Variants in ABHD12 observed in about 807,000 individuals in gnomAD.
ABHD12 encodes abhydrolase domain containing 12, lysophospholipase.
ABHD12 carries 43 observed loss-of-function variants against 58.3 expected under a neutral mutation model. The observed-to-expected ratio is 0.74, with a 90% CI of 0.58 to 0.95. The LOEUF is 0.95. Among genes scored for constraint, ABHD12 ranks in the 40% least tolerant of loss-of-function variants. The pLI is 0.00. For missense variants in ABHD12, 539 were observed against 537.2 expected, an observed-to-expected ratio of 1.00 and a Z score of -0.03; for synonymous variants, 219 against 211.2, an observed-to-expected ratio of 1.04 and a Z score of -0.32.
At chr20:25,334,225 T>C (rs1450902559) in intron 2 of ABHD12, among the ~76,000 whole-genome samples, 2 of 151,004 alleles carry the variant, frequency 1.3e-5, no homozygotes, top group African/African-American at 4.9e-5. Flanking sequence ...GAGAATAAAA[T>C]ACTTAGGAAT....
intron 1 of ABHD12, among the ~76,000 whole-genome samples, chr20:25,361,752 G>C (rs2089751130): frequency 6.6e-6 from 1 of 151,442 alleles, no homozygotes; most frequent in South Asian, 2.1e-4. Flanking sequence ...TCAGGAGATC[G>C]AGACCATTCT....
chr20:25,375,649 A>T lies in ABHD12; in HGVS notation c.191+14864T>A, dbSNP rs572680703. 2.6e-5 allele frequency among the ~76,000 whole-genome samples: 4 copies of T among 152,020 alleles called. No individual in the cohort carries two copies. The East Asian group carries it at 7.7e-4, about 29-fold the overall frequency. On this transcript the variant is annotated intron_variant, in intron 1 of 12. Transcript: ENST00000339157. Reference sequence around the variant, plus strand: ...TCAAGGAGATCAGCTAGGGTACTGTAGGGCTCACTTCCTTTGTCTGTCACT... The same window carrying T: ...TCAAGGAGATCAGCTAGGGTACTGTTGGGCTCACTTCCTTTGTCTGTCACT...
At chr20:25,340,770 T>C (rs1437955335) in intron 1 of ABHD12, among the ~76,000 whole-genome samples, 1 of 152,170 alleles carries the variant, frequency 6.6e-6, no homozygotes, top group East Asian at 1.9e-4. Context: ...TAATTCCACG[T>C]CTAAAATTCT....
downstream of ABHD12, among the ~76,000 whole-genome samples, chr20:25,299,758 CTG>C (rs1299249735): frequency 3.9e-5 from 6 of 152,164 alleles, no homozygotes; most frequent in Non-Finnish European, 8.8e-5. Context: ...GGTGGTGTCT[CTG>C]GGGCCGTGGG....
intron 1 of ABHD12, among the ~76,000 whole-genome samples, chr20:25,381,742 G>A (rs952332215): frequency 2.6e-5 from 4 of 151,786 alleles, no homozygotes; most frequent in Admixed American, 6.6e-5. Context: ...GGGTTCAAGC[G>A]ATTCTCCTGC....
At chr20:25,362,459 C>T (rs868655611) in intron 1 of ABHD12, among the ~76,000 whole-genome samples, 4 of 151,144 alleles carry the variant, frequency 2.6e-5, no homozygotes, top group Admixed American at 2.0e-4. Flanking sequence ...CCTATCTACT[C>T]GGGAGGCTGA....
At chr20:25,302,096 T>C in intron 12 of ABHD12, 123 bp downstream of exon 12, 2 of 1,411,390 alleles carry the variant, frequency 1.4e-6, no homozygotes, top group Non-Finnish European at 2.0e-6. Flanking sequence ...GGCTCCCAAA[T>C]CACTGTGACT....
chr20:25,355,808 C>T (rs2089660246), intron 1 of ABHD12, among the ~76,000 whole-genome samples: 1 of 152,208 alleles, frequency 6.6e-6, no homozygotes, highest in Non-Finnish European at 1.5e-5. Flanking sequence ...CCACCGGCCT[C>T]AGCCTCCCAA....
intron 11 of ABHD12, chr20:25,303,264 C>T: frequency 7.8e-7 from 1 of 1,276,082 alleles, no homozygotes; most frequent in Non-Finnish European, 1.0e-6. Flanking sequence ...TCTGATAACC[C>T]CTGTGTGAGG....
chr20:25,303,653 C>T (rs1348247397), intron 10 of ABHD12, 25 bp from the exon 11 acceptor site: 8 of 1,612,850 alleles, frequency 5.0e-6, no homozygotes, highest in Non-Finnish European at 6.8e-6. Context: ...AGGGGCTAGA[C>T]CAAGACCAGG....
intron 1 of ABHD12, among the ~76,000 whole-genome samples, chr20:25,371,479 A>T (rs2089899521): frequency 6.6e-6 from 1 of 152,204 alleles, no homozygotes; most frequent in South Asian, 2.1e-4. Flanking sequence ...TTCAGAAGTG[A>T]TTCCTCCCAA....
intron 1 of ABHD12, among the ~76,000 whole-genome samples, chr20:25,362,032 T>C (rs1266838113): frequency 1.3e-5 from 2 of 151,178 alleles, no homozygotes; most frequent in Non-Finnish European, 2.9e-5. Context: ...CCCAGCACGT[T>C]TGGAGATCGA....
chr20:25,309,701 A>T, intron 6 of ABHD12, 126 bp from the exon 7 acceptor site: 1 of 1,400,412 alleles, frequency 7.1e-7, no homozygotes, highest in Non-Finnish European at 9.8e-7. Context: ...CCACCCTTCC[A>T]GAGTCCACAG....
intron 9 of ABHD12, among the ~76,000 whole-genome samples, chr20:25,307,633 TAC>T (rs2088769444): frequency 6.6e-6 from 1 of 152,182 alleles, no homozygotes; most frequent in Non-Finnish European, 1.5e-5. Flanking sequence ...CACTGTCTCA[TAC>T]ACAGAGAGGG....
chr20:25,314,938 G>A lies in ABHD12; in HGVS notation c.606C>T (p.Thr202=), dbSNP rs777287556. The A allele has an allele frequency of 6.2e-7, 1 of 1,614,176 alleles. No homozygotes were observed. The highest frequency in any genetic ancestry group is 8.5e-7 in the Non-Finnish European group (1 of 1,180,014). ...AAGAAATCTCACCTCTGTAGTCAAA[G>A]GTGACCACATGGTAACCAAGGGAAC... The part of the protein sequence containing the change: ...VLSSLGYHVV[T]FDYRGWGDSV... The change falls in exon 6 of 13, where the codon ACC becomes ACT. Residue 202 remains threonine (T), a synonymous_variant. Transcript: ENST00000339157.
intron 2 of ABHD12, among the ~76,000 whole-genome samples, chr20:25,334,665 T>C (rs2089333521): frequency 1.3e-5 from 2 of 151,780 alleles, no homozygotes; most frequent in Admixed American, 1.3e-4. Context: ...TCTGCAACTA[T>C]CTGATCTTTG....
At chr20:25,377,856 C>T (rs980319512) in intron 1 of ABHD12, among the ~76,000 whole-genome samples, 1 of 152,120 alleles carries the variant, frequency 6.6e-6, no homozygotes, top group Admixed American at 6.6e-5. Context: ...TGCCACCACA[C>T]CCAGCTAATT....
intron 1 of ABHD12, among the ~76,000 whole-genome samples, chr20:25,382,938 GA>G (rs749759062): frequency 1.1e-4 from 17 of 148,774 alleles, no homozygotes; most frequent in Admixed American, 6.0e-4. Context: ...AGTACCAGTT[GA>G]GGGGGGGGGC....
At position 25,300,495 on chromosome 20, in the gene ABHD12, G is replaced by GC; in HGVS notation, c.*349dup. ...GCCAAAAAGCTCAGCATGGTCCCGA[G>GC]CCCCAAGAGTCCCCTGCCCGGACTC... On this transcript the variant is annotated 3_prime_UTR_variant, in exon 13 of 13. Transcript: ENST00000339157. 1.6e-6 allele frequency: 2 copies of GC among 1,283,594 alleles called. No individual in the cohort carries two copies. The highest frequency in any genetic ancestry group is 7.6e-5 in the East Asian group (2 of 26,450). 79.5% of individuals were successfully genotyped at this position (1,283,594 alleles called of 1,614,324 possible).
Sources: allele counts gnomAD v4.1 joint callset (sites outside exome capture counted in the v4.1 genomes callset), GRCh38; gene constraint gnomAD v4.1.1; transcripts MANE v1.5; gene names NCBI Gene and HGNC (gene_info 2026-07-23, HGNC 2026-07-21).